Variants in ARNT2 observed in about 807,000 individuals in gnomAD.
ARNT2 encodes the protein aryl hydrocarbon receptor nuclear translocator 2.
Under a neutral mutation model 91.7 loss-of-function variants are expected in ARNT2, and 36 were observed. The observed-to-expected ratio is 0.39, with a 90% CI of 0.30 to 0.52. ARNT2 has a LOEUF of 0.52. Among genes scored for constraint, ARNT2 ranks in the 20% least tolerant of loss-of-function variants. ARNT2 has a pLI of 0.72. For missense variants in ARNT2, 775 were observed against 939.3 expected (o/e 0.83, Z 2.29); for synonymous variants, 365 against 347.1 (o/e 1.05, Z -0.57).
chr15:80,415,342 G>A (rs746041333), intron 1 of ARNT2, among the ~76,000 whole-genome samples: 47 of 152,354 alleles, frequency 3.1e-4, no homozygotes, highest in East Asian at 7.7e-4. Flanking sequence ...AATGCCAACC[G>A]TGTGCTCACA....
rs78239158 is a variant in ARNT2 at position 80,476,221 on chromosome 15, C to G, written c.622+998C>G. On this transcript the variant is annotated intron_variant, in intron 5 of 18. Coordinates refer to ENST00000303329, the MANE Select transcript of ARNT2 (RefSeq NM_014862.4). ...TGGTAGGAGGACAGTCATGTGAAAT[C>G]AGACGGAGAGTTTTAACTCCAAATG... Among the ~76,000 whole-genome samples, 889 of 152,282 alleles carry G rather than the reference C, an allele frequency of 5.8e-3. 14 individuals carry two copies. Among genetic ancestry groups the G allele is most frequent in the African/African-American group, 0.021 (853 of 41,552 alleles).
At chr15:80,488,939 G>A (rs1019094211) in intron 5 of ARNT2, among the ~76,000 whole-genome samples, 2 of 152,138 alleles carry the variant, frequency 1.3e-5, no homozygotes, top group African/African-American at 4.8e-5. Flanking sequence ...GAAGCCAATC[G>A]ACAAATACTT....
In ARNT2 at chr15:80,588,933, C is replaced by T. The variant is rs546331327; in HGVS notation, c.1919-2635C>T. On this transcript the variant is annotated intron_variant, in intron 17 of 18. Coordinates refer to ENST00000303329, the MANE Select transcript of ARNT2 (RefSeq NM_014862.4). The stretch of plus-strand genomic sequence containing the variant: ...TTGAGAGAGGAACGATCTTATTCTC[C>T]AGTGTGTGTACAGTACCAGCATGGA... Among the ~76,000 whole-genome samples the T allele has an allele frequency of 2.6e-5, 4 of 152,246 alleles. No individual in the cohort carries two copies. In the East Asian group the frequency reaches 5.8e-4, roughly 22 times the overall value.
chr15:80,571,708 T>C (rs1267678135), intron 12 of ARNT2, among the ~76,000 whole-genome samples: 1 of 152,198 alleles, frequency 6.6e-6, no homozygotes, highest in Non-Finnish European at 1.5e-5. Flanking sequence ...GCCCTAGGGA[T>C]GGTCATGGCT....
At position 80,535,363 on chromosome 15, in the gene ARNT2, G is replaced by A. The variant is rs991296916; in HGVS notation, c.878-15836G>A. Among the ~76,000 whole-genome samples, 9 of 152,240 alleles carry A rather than the reference G, an allele frequency of 5.9e-5. No homozygotes were observed. The South Asian group carries it at 8.3e-4, about 14-fold the overall frequency. ...GGCCTCTTAAACAAAAATGGAGTCC[G>A]TTATGTTCATTATTTTGCTGTTTCA... On this transcript the variant is annotated intron_variant, in intron 8 of 18. Transcript: ENST00000303329.
chr15:80,587,375 C>T (rs1893192502), intron 17 of ARNT2, among the ~76,000 whole-genome samples: 1 of 151,842 alleles, frequency 6.6e-6, no homozygotes, highest in Non-Finnish European at 1.5e-5. Context: ...CAAGTGTTTC[C>T]AGACATTGTC....
Position 80,500,903 on chromosome 15 carries a change from A to G in ARNT2, c.623-7253A>G, listed in dbSNP as rs551570328. ...GGACTAGATTTGGGCTGCAGGAAGT[A>G]CTTTGTTGACTCATGTTATAAAGCA... On this transcript the variant is annotated intron_variant, in intron 5 of 18. Transcript: ENST00000303329. Among the ~76,000 whole-genome samples, 3 of 152,350 alleles carry G rather than the reference A, an allele frequency of 2.0e-5. No individual in the cohort carries two copies. The East Asian group carries it at 5.8e-4, about 29-fold the overall frequency.
Position 80,591,161 on chromosome 15 carries a change from C to A in ARNT2, c.1919-407C>A, listed in dbSNP as rs1339660321. ...GGCAGGTGTGTCTTCCTCCTCATGC[C>A]AACACCATACTGCTGAGGACAGACC... On this transcript the variant is annotated intron_variant, in intron 17 of 18. Coordinates refer to ENST00000303329, the MANE Select transcript of ARNT2 (RefSeq NM_014862.4). The surrounding 1 kb of genome is among the most constrained non-coding windows in gnomAD (Gnocchi z 5.1). 6.6e-6 allele frequency among the ~76,000 whole-genome samples: 1 copy of A among 152,176 alleles called. No homozygotes were observed. Among genetic ancestry groups the A allele is most frequent in the East Asian group, 1.9e-4 (1 of 5,190 alleles).
chr15:80,582,506 AGAAAGAAAAATGCTGT>A (rs1322661479), intron 17 of ARNT2, among the ~76,000 whole-genome samples: 1 of 151,694 alleles, frequency 6.6e-6, no homozygotes, highest in Non-Finnish European at 1.5e-5. Context: ...AAAAAACAAA[AGAAAGAAAAATGCTGT>A]GCAGAGCCCC....
At chr15:80,537,243 T>C (rs1200976265) in intron 8 of ARNT2, among the ~76,000 whole-genome samples, 2 of 152,156 alleles carry the variant, frequency 1.3e-5, no homozygotes, top group Non-Finnish European at 2.9e-5. Context: ...CATCTGTTTG[T>C]CTCCTCTGCT....
At chr15:80,491,467 G>T (rs533075189) in intron 5 of ARNT2, among the ~76,000 whole-genome samples, 2 of 152,074 alleles carry the variant, frequency 1.3e-5, no homozygotes, top group Non-Finnish European at 2.9e-5. Flanking sequence ...TCCCTTCAAC[G>T]ACATGTGGGA....
At chr15:80,519,034 A>G (rs1044013716) in intron 8 of ARNT2, among the ~76,000 whole-genome samples, 1 of 152,206 alleles carries the variant, frequency 6.6e-6, no homozygotes, top group African/African-American at 2.4e-5. Flanking sequence ...AAACACATTA[A>G]TAATACATTC....
intron 1 of ARNT2, chr15:80,441,484 C>G (rs1896188590): frequency 2.6e-6 from 2 of 768,526 alleles, no homozygotes; most frequent in African/African-American, 1.9e-5. Flanking sequence ...CCTCACCCCC[C>G]TCCCAGCCAT....
At chr15:80,432,640 A>G (rs530758623) in intron 1 of ARNT2, among the ~76,000 whole-genome samples, 1 of 152,048 alleles carries the variant, frequency 6.6e-6, no homozygotes, top group South Asian at 2.1e-4. Context: ...AAGTTTGCCA[A>G]CCTGTGGCTT....
intron 11 of ARNT2, among the ~76,000 whole-genome samples, chr15:80,560,568 T>G (rs1898319560): frequency 6.6e-6 from 1 of 152,106 alleles, no homozygotes; most frequent in Admixed American, 6.5e-5. Flanking sequence ...AGCTAACAAA[T>G]TTCACACTGT....
At chr15:80,566,131 T>C (rs1437046664) in intron 12 of ARNT2, among the ~76,000 whole-genome samples, 2 of 152,284 alleles carry the variant, frequency 1.3e-5, no homozygotes, top group East Asian at 1.9e-4. Context: ...ATCACTGAGA[T>C]TGTCAACAGC....
intron 1 of ARNT2, among the ~76,000 whole-genome samples, chr15:80,423,580 C>T (rs935960824): frequency 6.6e-6 from 1 of 152,126 alleles, no homozygotes; most frequent in Non-Finnish European, 1.5e-5. Context: ...AGTAACACTG[C>T]ATGGTTCTTT....
intron 2 of ARNT2, among the ~76,000 whole-genome samples, chr15:80,455,163 C>G (rs376672156): frequency 1.6e-4 from 24 of 152,324 alleles, no homozygotes; most frequent in African/African-American, 5.3e-4. Flanking sequence ...AAAGCAGCAG[C>G]ATCTTGGCAG....
In ARNT2 at chr15:80,597,140, C is replaced by T; in HGVS notation, c.*3442C>T. ...GACTACATGTTCTCCAGATTAGCCA[C>T]ACATGCAAACATCAGTGTCCTTCTA... On this transcript the variant is annotated 3_prime_UTR_variant, in exon 19 of 19. Transcript: ENST00000303329. 1 of 518,778 alleles carries T rather than the reference C, an allele frequency of 1.9e-6. No individual in the cohort carries two copies. The highest frequency in any genetic ancestry group is 3.8e-6 in the Non-Finnish European group (1 of 259,830). The allele number at this position is 518,778 out of a possible 1,614,324, so 32.1% of individuals were successfully genotyped here. A position where few individuals can be genotyped will look rare whatever the true frequency, so the allele number is the denominator to read the frequency against.
Sources: gnomAD v4.1 joint callset for allele counts (sites outside exome capture counted in the v4.1 genomes callset) on GRCh38, gnomAD v4.1.1 for gene constraint, Gnocchi (gnomAD v3.1) non-coding constraint, MANE v1.5 for transcripts, NCBI Gene and HGNC (gene_info 2026-07-23, HGNC 2026-07-21) for gene names.